REDIC1: variants seen among roughly 807,000 people sequenced by gnomAD.
REDIC1 encodes HEI10 Interacting Protein 1.
At chr12:39,719,751 T>C in the REDIC1 span, among the ~76,000 whole-genome samples, 1 of 152,234 alleles carries the variant, frequency 6.6e-6, no homozygotes, top group Non-Finnish European at 1.5e-5. Flanking sequence ...ATTTACCTTT[T>C]ATTTTTTATT....
the REDIC1 span, among the ~76,000 whole-genome samples, chr12:39,738,308 A>G: frequency 6.6e-6 from 1 of 152,190 alleles, no homozygotes; most frequent in African/African-American, 2.4e-5. Flanking sequence ...GTGTCATTGA[A>G]CACGTATGTG....
chr12:39,742,001 G>A, the REDIC1 span, among the ~76,000 whole-genome samples: 114 of 152,306 alleles, frequency 7.5e-4, 2 homozygotes, highest in African/African-American at 2.6e-3. Context: ...TGTTGTGGCA[G>A]TCTATGATCT....
At chr12:39,637,277 A>G in the REDIC1 span, among the ~76,000 whole-genome samples, 1 of 152,078 alleles carries the variant, frequency 6.6e-6, no homozygotes, top group Admixed American at 6.6e-5. Flanking sequence ...TTTTGAATCA[A>G]TACCTATTAT....
the REDIC1 span, among the ~76,000 whole-genome samples, chr12:39,777,396 G>T: frequency 6.6e-6 from 1 of 152,304 alleles, no homozygotes; most frequent in Admixed American, 6.5e-5. Flanking sequence ...CTACAGCAGA[G>T]AAGTGATACA....
At chr12:39,655,979 G>A in the REDIC1 span, among the ~76,000 whole-genome samples, 3 of 149,338 alleles carry the variant, frequency 2.0e-5, no homozygotes, top group African/African-American at 7.4e-5. Flanking sequence ...CCCACATCAG[G>A]TTTTTTTTTT....
At chr12:39,701,216 G>A in the REDIC1 span, among the ~76,000 whole-genome samples, 3 of 152,132 alleles carry the variant, frequency 2.0e-5, no homozygotes, top group Non-Finnish European at 4.4e-5. Context: ...GACACACATA[G>A]GCTCAAAATA....
At chr12:39,666,413 A>C in the REDIC1 span, among the ~76,000 whole-genome samples, 4 of 152,184 alleles carry the variant, frequency 2.6e-5, no homozygotes, top group South Asian at 8.3e-4. Context: ...CCAGGGATGA[A>C]GCCCACTTGA....
chr12:39,711,386 TGTGTGTAC>T, the REDIC1 span, among the ~76,000 whole-genome samples: 1 of 138,448 alleles, frequency 7.2e-6, no homozygotes. Context: ...CATATATGTA[TGTGTGTAC>T]ATATACACAT....
the REDIC1 span, among the ~76,000 whole-genome samples, chr12:39,820,717 T>TTATATATATA: frequency 9.8e-5 from 13 of 132,700 alleles, no homozygotes; most frequent in Non-Finnish European, 1.7e-4. Context: ...ATTTTTAAAT[T>TTATATATATA]TATATATATA....
chr12:39,721,026 A>G, the REDIC1 span: 1 of 1,613,844 alleles, frequency 6.2e-7, no homozygotes, highest in Non-Finnish European at 8.5e-7. Context: ...ACATTTTGCA[A>G]AACAAAACCA....
the REDIC1 span, among the ~76,000 whole-genome samples, chr12:39,727,386 A>G: frequency 6.6e-6 from 1 of 152,172 alleles, no homozygotes; most frequent in Non-Finnish European, 1.5e-5. Flanking sequence ...CAGTTTTCAC[A>G]ACAGCATTTA....
chr12:39,833,218 A>G, the REDIC1 span, among the ~76,000 whole-genome samples: 7,653 of 152,194 alleles, frequency 0.05, 592 homozygotes, highest in African/African-American at 0.17. Context: ...TTAAGGACAG[A>G]GCTGAGAAGT....
the REDIC1 span, among the ~76,000 whole-genome samples, chr12:39,821,587 C>T: frequency 6.6e-6 from 1 of 152,186 alleles, no homozygotes; most frequent in Non-Finnish European, 1.5e-5. Context: ...GTCAGTTATG[C>T]TTCTGTTCCA....
At chr12:39,796,424 A>T in the REDIC1 span, among the ~76,000 whole-genome samples, 16 of 1,498 alleles carry the variant, frequency 0.011, no homozygotes, top group South Asian at 0.29. Context: ...ACCCATCTTA[A>T]AAAAAAAAAA....
the REDIC1 span, among the ~76,000 whole-genome samples, chr12:39,718,566 C>T: frequency 6.6e-6 from 1 of 152,118 alleles, no homozygotes; most frequent in East Asian, 1.9e-4. Context: ...CAATCTTGGT[C>T]ATAAACCTGA....
chr12:39,681,779 A>G, the REDIC1 span, among the ~76,000 whole-genome samples: 1 of 152,190 alleles, frequency 6.6e-6, no homozygotes, highest in East Asian at 1.9e-4. Flanking sequence ...TACCTGGAAC[A>G]GAGTAGGTGA....
At chr12:39,775,123 A>G in the REDIC1 span, among the ~76,000 whole-genome samples, 1 of 152,222 alleles carries the variant, frequency 6.6e-6, no homozygotes, top group Non-Finnish European at 1.5e-5. Flanking sequence ...GCTTTCATTT[A>G]TCACAAGATT....
At chr12:39,640,958 C>T in the REDIC1 span, 2 of 1,609,768 alleles carry the variant, frequency 1.2e-6, no homozygotes, top group East Asian at 4.5e-5. Context: ...TTTTCAGGTC[C>T]AGGGTTCTGA....
the REDIC1 span, among the ~76,000 whole-genome samples, chr12:39,888,312 C>A: frequency 1.3e-5 from 2 of 152,232 alleles, no homozygotes; most frequent in Non-Finnish European, 2.9e-5. Context: ...GCAACCTCCG[C>A]TTCCCAGGTT....
Sources: gnomAD v4.1 joint callset for allele counts (sites outside exome capture counted in the v4.1 genomes callset) on GRCh38, gnomAD v4.1.1 for gene constraint, MANE v1.5 for transcripts, NCBI Gene and HGNC (gene_info 2026-07-23, HGNC 2026-07-21) for gene names.